TGFBR3: variants seen among roughly 807,000 people sequenced by gnomAD.
TGFBR3 encodes transforming growth factor beta receptor type 3.
Under a neutral mutation model 87.9 loss-of-function variants are expected in TGFBR3, and 46 were observed. The ratio of observed to expected loss-of-function variants is 0.52; its 90% CI spans 0.41 to 0.67. TGFBR3 has a LOEUF of 0.67. TGFBR3 is among the 30% of genes least tolerant of loss of function. TGFBR3 has a pLI of 0.00. For synonymous variants in TGFBR3, 381 were observed against 391.6 expected (o/e 0.97, Z 0.32); for missense variants, 866 against 1,041.9 (o/e 0.83, Z 2.32).
chr1:91,772,060 A>G (rs1674399238), intron 3 of TGFBR3, among the ~76,000 whole-genome samples: 1 of 152,176 alleles, frequency 6.6e-6, no homozygotes, highest in South Asian at 2.1e-4. Flanking sequence ...AAATACAAAA[A>G]AGAATAAAGA....
At chr1:91,760,870 T>G (rs1430856716) in intron 3 of TGFBR3, among the ~76,000 whole-genome samples, 1 of 152,116 alleles carries the variant, frequency 6.6e-6, no homozygotes, top group Non-Finnish European at 1.5e-5. Flanking sequence ...AGATTCAAAC[T>G]GTACTGAACA....
At chr1:91,783,114 C>T (rs774739861) in intron 3 of TGFBR3, 6 of 152,212 alleles carry the variant, frequency 3.9e-5, no homozygotes, top group Non-Finnish European at 7.3e-5. Flanking sequence ...GACCTTGGAT[C>T]CTAAAGCTGG....
intron 14 of TGFBR3, among the ~76,000 whole-genome samples, chr1:91,706,877 C>A (rs182075153): frequency 9.8e-4 from 150 of 152,318 alleles, no homozygotes; most frequent in African/African-American, 3.3e-3. Flanking sequence ...ATTCTTATTT[C>A]TTTCTCCTGA....
intron 14 of TGFBR3, among the ~76,000 whole-genome samples, chr1:91,704,401 A>T (rs1187656201): frequency 6.6e-6 from 1 of 152,106 alleles, no homozygotes; most frequent in Non-Finnish European, 1.5e-5. Context: ...GTGAAGACAT[A>T]GATGCACATG....
At chr1:91,692,002 CAAAAAAAAG>C (rs566632423) in intron 16 of TGFBR3, among the ~76,000 whole-genome samples, 200 of 146,484 alleles carry the variant, frequency 1.4e-3, no homozygotes, top group African/African-American at 4.9e-3. Flanking sequence ...CGTCTCAAAA[CAAAAAAAAG>C]AAAAAAAAGA....
rs1273247982 is a variant in TGFBR3, at chr1:91,680,803, C to G, written c.*2936G>C. On this transcript the variant is annotated 3_prime_UTR_variant, in exon 17 of 17. Coordinates refer to ENST00000212355, the MANE Select transcript of TGFBR3 (RefSeq NM_003243.5). ...CACCCCACACACACTCACAATCATG[C>G]CCACTAAGAACACAAGCAGGAAATG... The G allele has an allele frequency of 2.2e-6, 1 of 453,146 alleles. No individual in the cohort carries two copies. Among genetic ancestry groups the G allele is most frequent in the Non-Finnish European group, 4.4e-6 (1 of 226,166 alleles). The allele number at this position is 453,146 out of a possible 1,614,324, so 28.1% of individuals were successfully genotyped here. A position where few individuals can be genotyped will look rare whatever the true frequency, so the allele number is the denominator to read the frequency against.
intron 1 of TGFBR3, among the ~76,000 whole-genome samples, chr1:91,882,717 C>A (rs2101296173): frequency 6.6e-6 from 1 of 152,140 alleles, no homozygotes. Flanking sequence ...TGCACTCCCG[C>A]CCGGGCGACA....
rs12083832 is a variant in TGFBR3 at position 91,846,819 on chromosome 1, G to A, written c.61+14652C>T. 5.3e-3 allele frequency among the ~76,000 whole-genome samples: 805 copies of A among 152,108 alleles called. 10 individuals carry two copies. Among genetic ancestry groups the A allele is most frequent in the African/African-American group, 0.018 (752 of 41,490 alleles). ...TTCTCACTCCTATAACCTCAGTCAC[G>A]TGGGAAATCTATTTTTTTCACTATC... On this transcript the variant is annotated intron_variant, in intron 2 of 16. Transcript: ENST00000212355.
chr1:91,782,728 G>A (rs889913258), intron 3 of TGFBR3, among the ~76,000 whole-genome samples: 5 of 125,272 alleles, frequency 4.0e-5, no homozygotes, highest in Admixed American at 3.5e-4. Flanking sequence ...AGGGCTGAGA[G>A]GTACGACAGC....
At chr1:91,861,177 G>C (rs1026062336) in intron 2 of TGFBR3, among the ~76,000 whole-genome samples, 2 of 152,142 alleles carry the variant, frequency 1.3e-5, no homozygotes, top group Admixed American at 6.6e-5. Flanking sequence ...CAAGAAGAGA[G>C]GATCACTTGA....
intron 2 of TGFBR3, among the ~76,000 whole-genome samples, chr1:91,846,729 C>A (rs1677517321): frequency 6.6e-6 from 1 of 151,964 alleles, no homozygotes; most frequent in African/African-American, 2.4e-5. Context: ...TTTACTATAT[C>A]TTAAAATAAA....
chr1:91,837,310 A>G (rs1677100842), intron 2 of TGFBR3, among the ~76,000 whole-genome samples: 1 of 152,130 alleles, frequency 6.6e-6, no homozygotes, highest in African/African-American at 2.4e-5. Context: ...CAGTGGCATG[A>G]TCTCGGCTCA....
chr1:91,684,472 G>A (rs992464136), intron 16 of TGFBR3, among the ~76,000 whole-genome samples: 8 of 152,198 alleles, frequency 5.3e-5, no homozygotes, highest in African/African-American at 1.7e-4. Context: ...GGGTTTAGCT[G>A]TTTGCACATG....
At chr1:91,687,501 G>C (rs1671128659) in intron 16 of TGFBR3, among the ~76,000 whole-genome samples, 1 of 152,180 alleles carries the variant, frequency 6.6e-6, no homozygotes, top group South Asian at 2.1e-4. Context: ...TTTCACCATG[G>C]CAGGTCCTGG....
In TGFBR3 at chr1:91,681,417, A is replaced by G. The variant is rs1219759024; in HGVS notation, c.*2322T>C. 1 of 379,396 alleles carries G rather than the reference A, an allele frequency of 2.6e-6. No homozygotes were observed. The highest frequency in any genetic ancestry group is 5.0e-6 in the Non-Finnish European group (1 of 198,342). 23.5% of individuals were successfully genotyped at this position (379,396 alleles called of 1,614,324 possible). Reference sequence around the variant, plus strand: ...TTTCCTCTCTCTCTCTTTTAAAAAGATCTTTTGGTTTGCATCTATAAATTT... The same window carrying G: ...TTTCCTCTCTCTCTCTTTTAAAAAGGTCTTTTGGTTTGCATCTATAAATTT... On this transcript the variant is annotated 3_prime_UTR_variant, in exon 17 of 17. Coordinates refer to ENST00000212355, the MANE Select transcript of TGFBR3 (RefSeq NM_003243.5).
chr1:91,776,874 G>A (rs1181093075), intron 3 of TGFBR3, among the ~76,000 whole-genome samples: 3 of 152,170 alleles, frequency 2.0e-5, no homozygotes, highest in African/African-American at 7.2e-5. Flanking sequence ...AGTTGTTCCT[G>A]TTCAGGCACC....
At chr1:91,702,279 TA>T (rs1671647003) in intron 14 of TGFBR3, among the ~76,000 whole-genome samples, 1 of 152,168 alleles carries the variant, frequency 6.6e-6, no homozygotes, top group Non-Finnish European at 1.5e-5. Flanking sequence ...TAACCACAAA[TA>T]TCACGTATAT....
intron 2 of TGFBR3, among the ~76,000 whole-genome samples, chr1:91,846,265 CAAAT>C (rs1272451589): frequency 6.6e-6 from 1 of 152,216 alleles, no homozygotes; most frequent in Non-Finnish European, 1.5e-5. Context: ...ATGGGCTTTG[CAAAT>C]AATCTAACAA....
chr1:91,883,868 T>C (rs1679192039), intron 1 of TGFBR3, among the ~76,000 whole-genome samples: 1 of 152,108 alleles, frequency 6.6e-6, no homozygotes, highest in Non-Finnish European at 1.5e-5. Flanking sequence ...GCAACATCCT[T>C]TAACTGACAC....
Sources: allele counts gnomAD v4.1 joint callset (sites outside exome capture counted in the v4.1 genomes callset), GRCh38; gene constraint gnomAD v4.1.1; transcripts MANE v1.5; gene names NCBI Gene and HGNC (gene_info 2026-07-23, HGNC 2026-07-21).